Variants in BTD observed in about 807,000 individuals in gnomAD.
The protein encoded by BTD is biotinidase.
Under a neutral mutation model 17.7 loss-of-function variants are expected in BTD, and 13 were observed. The ratio of observed to expected loss-of-function variants is 0.74; its 90% CI spans 0.48 to 1.17. The LOEUF is 1.17. BTD is among the 50% of genes most tolerant of loss of function. BTD has a pLI of 0.00. For synonymous variants in BTD, 240 were observed against 245.2 expected (o/e 0.98, Z 0.20); for missense variants, 674 against 650.4 (o/e 1.04, Z -0.39).
chr3:15,602,060 T>TGCTACCGC (rs2064274964), intron 1 of BTD, 166 bp downstream of exon 1: 1 of 1,451,522 alleles, frequency 6.9e-7, no homozygotes, highest in African/African-American at 1.4e-5. Context: ...GTTGCTGCTG[T>TGCTACCGC]GCTACCGCGT....
chr3:15,710,775 C>G (rs2072160892), exon 4 of BTD, among the ~76,000 whole-genome samples: 1 of 152,042 alleles, frequency 6.6e-6, no homozygotes, highest in Non-Finnish European at 1.5e-5. Context: ...CTTCCAATCT[C>G]AAACTTTCCT....
intron 3 of BTD, among the ~76,000 whole-genome samples, chr3:15,686,910 A>C (rs2068191271): frequency 6.6e-6 from 1 of 152,008 alleles, no homozygotes; most frequent in African/African-American, 2.4e-5. Flanking sequence ...CCGTTGTAGA[A>C]TCAACCAACC....
chr3:15,719,972 A>G (rs1300829575), intron 4 of BTD, among the ~76,000 whole-genome samples: 1 of 152,050 alleles, frequency 6.6e-6, no homozygotes, highest in Non-Finnish European at 1.5e-5. Context: ...CAAGGCTCAA[A>G]AATCCTCCCA....
At chr3:15,643,763 A>T (rs973842378) in intron 3 of BTD, among the ~76,000 whole-genome samples, 8 of 151,618 alleles carry the variant, frequency 5.3e-5, no homozygotes, top group African/African-American at 1.9e-4. Flanking sequence ...TTTTATATTT[A>T]AAAATTGTGA....
rs770198777 is a variant in BTD, at chr3:15,679,480, C to A, written c.400-30580C>A. ...ATTCATTCTGGCTTTACTTACACGGCACAATGCAATGGACTAAAAGCATTT... is the reference window on the plus strand; with the variant it reads ...ATTCATTCTGGCTTTACTTACACGGAACAATGCAATGGACTAAAAGCATTT... On this transcript the variant is annotated intron_variant, in intron 3 of 3. Coordinates refer to the BTD transcript ENST00000672141. The A allele has an allele frequency of 8.7e-6, 14 of 1,613,904 alleles. No homozygotes were observed. In the South Asian group the frequency reaches 1.3e-4, roughly 15 times the overall value.
chr3:15,694,944 T>C, intron 3 of BTD: 1 of 886,478 alleles, frequency 1.1e-6, no homozygotes, highest in South Asian at 1.6e-5. Context: ...ATGATTATTA[T>C]GAAAGTATAC....
intron 3 of BTD, among the ~76,000 whole-genome samples, chr3:15,664,901 T>G (rs1187005838): frequency 2.6e-5 from 4 of 152,130 alleles, no homozygotes; most frequent in Non-Finnish European, 5.9e-5. Context: ...AACTACCTAT[T>G]AAGTACGACG....
chr3:15,670,418 T>G, intron 3 of BTD: 1 of 1,613,960 alleles, frequency 6.2e-7, no homozygotes, highest in Non-Finnish European at 8.5e-7. Context: ...TTTTGAGGTG[T>G]TGGTATAACG....
At chr3:15,704,338 A>G (rs755603914) in intron 3 of BTD, among the ~76,000 whole-genome samples, 7 of 152,058 alleles carry the variant, frequency 4.6e-5, no homozygotes, top group Non-Finnish European at 8.8e-5. Flanking sequence ...TATTTACTCA[A>G]AGTGAGGATG....
chr3:15,625,349 T>C (rs2455823), intron 1 of BTD, among the ~76,000 whole-genome samples: 53,651 of 151,882 alleles, frequency 0.35, 9,732 homozygotes, highest in East Asian at 0.58. Flanking sequence ...AAAAATAGTT[T>C]CTCTGGAGGA....
Position 15,631,572 on chromosome 3 carries a change from G to A in BTD, c.-16-3852G>A, listed in dbSNP as rs1042905841. On this transcript the variant is annotated intron_variant, in intron 1 of 3. Coordinates refer to ENST00000643237, the MANE Select transcript of BTD (RefSeq NM_001370658.1). ...AAATTTACATGAAATAGATTTCCAT[G>A]TAATTGAGACTGATTTTTCCTATTA... The A allele has an allele frequency of 2.4e-6, 3 of 1,272,036 alleles. No individual in the cohort carries two copies. In the African/African-American group the frequency reaches 4.4e-5, roughly 19 times the overall value. 78.8% of individuals were successfully genotyped at this position (1,272,036 alleles called of 1,614,324 possible). A position where few individuals can be genotyped will look rare whatever the true frequency, so the allele number is the denominator to read the frequency against.
chr3:15,641,413 G>T (rs1660561094), intron 2 of BTD, among the ~76,000 whole-genome samples: 1 of 152,174 alleles, frequency 6.6e-6, no homozygotes, highest in South Asian at 2.1e-4. Context: ...ATCAGACTTT[G>T]TAGGGGTGGT....
chr3:15,676,519 G>C (rs1388372584), intron 3 of BTD: 2 of 158,436 alleles, frequency 1.3e-5, no homozygotes, highest in African/African-American at 4.8e-5. Flanking sequence ...AAGGGACAAT[G>C]AGAGACACTG....
downstream of BTD, among the ~76,000 whole-genome samples, chr3:15,656,797 G>T (rs141462657): frequency 2.0e-5 from 3 of 152,288 alleles, no homozygotes; most frequent in African/African-American, 7.2e-5. Flanking sequence ...ATTGCTAAGT[G>T]CATAAGTGTC....
Position 15,601,860 on chromosome 3 carries a change from G to T in BTD, c.-51G>T, listed in dbSNP as rs527263093. 1.7e-5 allele frequency: 28 copies of T among 1,614,214 alleles called. No individual in the cohort carries two copies. The African/African-American group carries it at 1.9e-4, about 11-fold the overall frequency. ...GGGCTGTAAAGGGAGAATGGCGCATGCGCATATTCAGGGCGGAAGGCGCGC... is the reference window on the plus strand; with the variant it reads ...GGGCTGTAAAGGGAGAATGGCGCATTCGCATATTCAGGGCGGAAGGCGCGC... On this transcript the variant is annotated 5_prime_UTR_variant, in exon 1 of 4. An upstream start codon of the reference 5' UTR is lost. Coordinates refer to ENST00000643237, the MANE Select transcript of BTD (RefSeq NM_001370658.1).
chr3:15,694,090 A>T (rs1236455337), intron 3 of BTD, among the ~76,000 whole-genome samples: 1 of 152,124 alleles, frequency 6.6e-6, no homozygotes, highest in East Asian at 1.9e-4. Context: ...TTGTCTCAAA[A>T]ATAAATTCTT....
rs561676411 is a variant in BTD, at chr3:15,643,077, G to A, written c.399+1020G>A. Among the ~76,000 whole-genome samples, 490 of 151,252 alleles carry A rather than the reference G, an allele frequency of 3.2e-3. 2 individuals carry two copies. Among genetic ancestry groups the A allele is most frequent in the Non-Finnish European group, 4.3e-3 (295 of 67,894 alleles). On this transcript the variant is annotated intron_variant, in intron 3 of 3. Transcript: ENST00000643237. The stretch of plus-strand genomic sequence containing the variant: ...AAATAAAGAAATGGAATCCCTCAAA[G>A]GATATGTACATTTTAAATTATATTA...
At position 15,635,664 on chromosome 3, in the gene BTD, G is replaced by A. The variant is rs1423985186; in HGVS notation, c.225G>A (p.Gln75=). The change falls in exon 2 of 4, where the codon CAG becomes CAA. Residue 75 remains glutamine, a synonymous_variant. Coordinates refer to ENST00000643237, the MANE Select transcript of BTD (RefSeq NM_001370658.1). This position sits in a 1 kb window ranked among gnomAD's most constrained non-coding sequence, Gnocchi z 4.1. ...LMNQNLDIYE[Q]QVMTAAQKDV... ...ACCAGAACCTTGACATCTATGAACA[G>A]CAAGTGATGACTGCAGCCCAAAAGG... The A allele has an allele frequency of 4.3e-6, 7 of 1,614,202 alleles. No homozygotes were observed. Among genetic ancestry groups the A allele is most frequent in the Middle Eastern group, 3.3e-4 (2 of 6,062 alleles).
intron 1 of BTD, among the ~76,000 whole-genome samples, chr3:15,608,496 G>A (rs1033375064): frequency 5.3e-5 from 8 of 152,124 alleles, no homozygotes; most frequent in African/African-American, 9.7e-5. Context: ...AGGTCAGTGC[G>A]GTGGCTCACA....
Sources: allele counts gnomAD v4.1 joint callset (sites outside exome capture counted in the v4.1 genomes callset), GRCh38; gene constraint gnomAD v4.1.1; non-coding constraint Gnocchi (gnomAD v3.1); transcripts MANE v1.5; gene names NCBI Gene and HGNC (gene_info 2026-07-23, HGNC 2026-07-21).